Variants in CBX2 observed in about 807,000 individuals in gnomAD.
CBX2 encodes the protein chromobox 2, also known as chromobox protein homolog 2.
A neutral mutation model predicts 21.0 loss-of-function variants in CBX2; 11 were observed. That is an observed-to-expected ratio of 0.52 (90% CI 0.33 to 0.87). CBX2 has a LOEUF of 0.87. Ranked by LOEUF, CBX2 falls within the 40% of genes least tolerant of loss-of-function variation. The pLI is 0.02. For missense variants in CBX2, 746 were observed against 724.3 expected (o/e 1.03, Z -0.34); for synonymous variants, 364 against 304.6 (o/e 1.19, Z -2.03).
At chr17:79,781,655 G>T in intron 3 of CBX2, 41 bp from the exon 4 acceptor site, 1 of 1,531,666 alleles carries the variant, frequency 6.5e-7, no homozygotes, top group Non-Finnish European at 9.0e-7. Flanking sequence ...GAAGGGGTAC[G>T]CACAGGGCTT....
At chr17:79,779,598 C>A in intron 3 of CBX2, 171 bp downstream of exon 3, 1 of 647,676 alleles carries the variant, frequency 1.5e-6, no homozygotes, top group Admixed American at 2.3e-5. Context: ...AAGTCCCCAG[C>A]CAGCCCCTCT....
rs553290435 is a variant in CBX2 at position 79,778,689 on chromosome 17, C to A, written c.116+262C>A. Among the ~76,000 whole-genome samples, 6 of 152,154 alleles carry A rather than the reference C, an allele frequency of 3.9e-5. No homozygotes were observed. The highest frequency in any genetic ancestry group is 9.7e-5 in the African/African-American group (4 of 41,448). ...CCTCGGCTGCCGCGCCGCGCTCCCC[C>A]CAACCCCCGTCCCGGCCGGGAGGGA... On this transcript the variant is annotated intron_variant, in intron 2 of 4. Transcript: ENST00000310942. This position sits in a 1 kb window ranked among gnomAD's most constrained non-coding sequence, Gnocchi z 4.8.
rs1555830451 is a variant in CBX2, at chr17:79,782,039, T to C, written c.288+238T>C. ...CCCAGGGGCTTCCTGCTTCAGCCTG[T>C]CCTGCACGCCTCTCTGCTGGGTGGC... On this transcript the variant is annotated intron_variant, in intron 4 of 4. Coordinates refer to ENST00000310942, the MANE Select transcript of CBX2 (RefSeq NM_005189.3). 4.3e-6 allele frequency: 7 copies of C among 1,613,986 alleles called. No homozygotes were observed. In the South Asian group the frequency reaches 6.6e-5, roughly 15 times the overall value.
chr17:79,781,843 C>A, intron 4 of CBX2, 42 bp downstream of exon 4: 5 of 1,614,086 alleles, frequency 3.1e-6, no homozygotes, highest in African/African-American at 1.3e-5. Flanking sequence ...CCTCCCAGCA[C>A]CCCCTTGGCG....
At position 79,781,696 on chromosome 17, in the gene CBX2, G is replaced by A. The variant is rs1555830259; in HGVS notation, c.183G>A (p.Lys61=). 7.4e-6 allele frequency: 12 copies of A among 1,613,150 alleles called. No individual in the cohort carries two copies. Among genetic ancestry groups the A allele is most frequent in the Admixed American group, 1.7e-5 (1 of 60,014 alleles). The change falls in exon 4 of 5, where the codon AAG becomes AAA. Residue 61 remains lysine, a splice_region_variant and synonymous_variant. Transcript: ENST00000310942. ...DPRLLLAFQK[K]EHEKEVQNRK... ...CCATTAACTAGTGGTGTGCCTTCAGGGAACATGAGAAGGAGGTGCAGAACC... is the reference window on the plus strand; with the variant it reads ...CCATTAACTAGTGGTGTGCCTTCAGAGAACATGAGAAGGAGGTGCAGAACC...
intron 4 of CBX2, chr17:79,782,191 A>G (rs1285494846): frequency 1.2e-6 from 2 of 1,611,704 alleles, no homozygotes; most frequent in Non-Finnish European, 1.7e-6. Context: ...CAAAAGCCTA[A>G]GATTTGGGGG....
rs1906988383 is a variant in CBX2, at chr17:79,779,345, T to C, written c.117-17T>C. On this transcript the variant is annotated splice_polypyrimidine_tract_variant and intron_variant, in intron 2 of 4. Coordinates refer to ENST00000310942, the MANE Select transcript of CBX2 (RefSeq NM_005189.3). ...ATCAGCCTGGCGTCTAATGCTGCCC[T>C]GTCCTCTGCTTTGCAGACATAACAG... 1.2e-6 allele frequency: 2 copies of C among 1,612,998 alleles called. No homozygotes were observed. Among genetic ancestry groups the C allele is most frequent in the Non-Finnish European group, 8.5e-7 (1 of 1,179,706 alleles).
At chr17:79,782,538 T>C in intron 4 of CBX2, 1 of 1,086,938 alleles carries the variant, frequency 9.2e-7, no homozygotes, top group South Asian at 2.8e-5. Context: ...CCCTGGACCT[T>C]CGCGTGTTGT....
At chr17:79,782,800 G>A (rs1425509607) in intron 4 of CBX2, among the ~76,000 whole-genome samples, 4 of 152,200 alleles carry the variant, frequency 2.6e-5, no homozygotes, top group South Asian at 2.1e-4. Flanking sequence ...GAACGGGGTG[G>A]TAGGGAGGCG....
At position 79,784,142 on chromosome 17, in the gene CBX2, C is replaced by A. The variant is rs782281255; in HGVS notation, c.699C>A (p.Asn233Lys). The part of the protein sequence containing the change: ...GGPSAMATPE[N>K]LASLMKGMAS... ...CCAGTGCCATGGCCACCCCAGAGAA[C>A]CTGGCCAGCCTAATGAAGGGCATGG... The change falls in exon 5 of 5, where the codon AAC (asparagine) becomes AAA (lysine). Residue 233 changes from asparagine to lysine, a missense_variant. Coordinates refer to ENST00000310942, the MANE Select transcript of CBX2 (RefSeq NM_005189.3). The surrounding 1 kb of genome is among the most constrained non-coding windows in gnomAD (Gnocchi z 5.9). 4.3e-6 allele frequency: 7 copies of A among 1,612,282 alleles called. No homozygotes were observed. Among genetic ancestry groups the A allele is most frequent in the African/African-American group, 1.3e-5 (1 of 74,948 alleles).
Position 79,784,504 on chromosome 17 carries a change from A to C in CBX2, c.1061A>C (p.Gln354Pro). The change falls in exon 5 of 5, where the codon CAG becomes CCG. Residue 354 changes from glutamine (Q) to proline (P), a missense_variant. Physicochemically the swap from Gln to Pro is moderately conservative, Grantham distance 76. Coordinates refer to ENST00000310942, the MANE Select transcript of CBX2 (RefSeq NM_005189.3). The surrounding 1 kb of genome is among the most constrained non-coding windows in gnomAD (Gnocchi z 5.9). ...QPAPTQELSL[Q>P]VLDLQSVKNG... ...GCACCCACCCAGGAGCTGAGCCTCC[A>C]GGTCTTGGACTTGCAGAGTGTCAAG... is the stretch of plus-strand genomic sequence containing the variant. 6.2e-7 allele frequency: 1 copy of C among 1,612,756 alleles called. No homozygotes were observed. Among genetic ancestry groups the C allele is most frequent in the Non-Finnish European group, 8.5e-7 (1 of 1,179,918 alleles).
rs1555829637 is a variant in CBX2, at chr17:79,778,889, G to A, written c.116+462G>A. 1.3e-5 allele frequency among the ~76,000 whole-genome samples: 2 copies of A among 152,010 alleles called. No homozygotes were observed. Among genetic ancestry groups the A allele is most frequent in the African/African-American group, 4.8e-5 (2 of 41,376 alleles). ...GCTGCTCCCGCGGCCCCGTTTCTGC[G>A]TCTTCCCGGACCCCGCTCTTTCTTC... On this transcript the variant is annotated intron_variant, in intron 2 of 4. Coordinates refer to ENST00000310942, the MANE Select transcript of CBX2 (RefSeq NM_005189.3). This position sits in a 1 kb window ranked among gnomAD's most constrained non-coding sequence, Gnocchi z 4.8.
chr17:79,783,831 G>A lies in CBX2; in HGVS notation c.388G>A (p.Ala130Thr). 1 of 1,609,584 alleles carries A rather than the reference G, an allele frequency of 6.2e-7. No individual in the cohort carries two copies. The highest frequency in any genetic ancestry group is 1.7e-4 in the Middle Eastern group (1 of 6,058). The change falls in exon 5 of 5, where the codon GCT (alanine) becomes ACT (threonine). Residue 130 changes from alanine (A) to threonine (T), a missense_variant. Physicochemically the swap from Ala to Thr is moderately conservative, Grantham distance 58. This residue lies in a region of CBX2 where 701 missense variants were observed against 650.7 expected (regional missense o/e 1.08). Coordinates refer to ENST00000310942, the MANE Select transcript of CBX2 (RefSeq NM_005189.3). ...SDEEDDSDLD[A>T]KRGPRGRETH... ...TGAAGAGGATGACAGTGACTTAGAT[G>A]CTAAGAGGGGTCCCCGGGGCCGCGA... is the stretch of plus-strand genomic sequence containing the variant.
rs1906994138 is a variant in CBX2 at position 79,779,422 on chromosome 17, G to A, written c.177G>A (p.Gln59=). Residue 59 remains glutamine (Q), a synonymous_variant, in exon 3 of 5, where the codon CAG becomes CAA. Coordinates refer to ENST00000310942, the MANE Select transcript of CBX2 (RefSeq NM_005189.3). ...ILDPRLLLAF[Q]KKEHEKEVQN... ...ACCCGAGGCTGCTCCTGGCCTTCCA[G>A]AAGAAGTGAGGACGCTGACAGCACT... 2 of 1,612,258 alleles carry A rather than the reference G, an allele frequency of 1.2e-6. No homozygotes were observed. The highest frequency in any genetic ancestry group is 2.7e-5 in the African/African-American group (2 of 74,284).
In CBX2 at chr17:79,784,519, A is replaced by G. The variant is rs782370991; in HGVS notation, c.1076A>G (p.Gln359Arg). The G allele has an allele frequency of 6.2e-7, 1 of 1,612,630 alleles. No individual in the cohort carries two copies. The highest frequency in any genetic ancestry group is 1.7e-5 in the Admixed American group (1 of 60,028). Residue 359 changes from glutamine (Q) to arginine (R), a missense_variant, in exon 5 of 5, where the codon CAG becomes CGG. Transcript: ENST00000310942. The surrounding 1 kb of genome is among the most constrained non-coding windows in gnomAD (Gnocchi z 5.9). ...CTGAGCCTCCAGGTCTTGGACTTGC[A>G]GAGTGTCAAGAATGGCATGCCCGGG... is the stretch of plus-strand genomic sequence containing the variant. ...QELSLQVLDLQSVKNGMPGVG... is the reference protein window; with the variant it reads ...QELSLQVLDLRSVKNGMPGVG...
In CBX2 at chr17:79,784,469, C is replaced by T. The variant is rs782120588; in HGVS notation, c.1026C>T (p.Gly342=). The change falls in exon 5 of 5, where the codon GGC becomes GGT. Residue 342 remains glycine (G), a synonymous_variant. Transcript: ENST00000310942. The surrounding 1 kb of genome is among the most constrained non-coding windows in gnomAD (Gnocchi z 5.9). ...GCAGGGTGCCTGCTGGGTGCCCAGG[C>T]CCCCAGCCAGCACCCACCCAGGAGC... The part of the protein sequence containing the change: ...GASRVPAGCP[G]PQPAPTQELS... 35 of 1,612,208 alleles carry T rather than the reference C, an allele frequency of 2.2e-5. 1 individual carries two copies. The South Asian group carries it at 3.2e-4, about 15-fold the overall frequency.
At position 79,787,153 on chromosome 17, in the gene CBX2, TC is replaced by T. The variant is rs1907693395; in HGVS notation, c.*2114del. The stretch of plus-strand genomic sequence containing the variant: ...GCACGCTGAGCCTCAGGCACCAGCC[TC>T]CCTGTGCTCGACAGCAAAGTCTTGA... On this transcript the variant is annotated 3_prime_UTR_variant, in exon 5 of 5. Transcript: ENST00000310942. 1 of 152,346 alleles carries T rather than the reference TC, an allele frequency of 6.6e-6. No individual in the cohort carries two copies. Among genetic ancestry groups the T allele is most frequent in the African/African-American group, 2.4e-5 (1 of 41,470 alleles). 9.4% of individuals were successfully genotyped at this position (152,346 alleles called of 1,614,324 possible).
At chr17:79,779,676 T>G (rs377624331) in intron 3 of CBX2, 1 of 549,788 alleles carries the variant, frequency 1.8e-6, no homozygotes, top group African/African-American at 1.9e-5. Flanking sequence ...CTTTGGTGTT[T>G]CCGACAGCCA....
At chr17:79,782,152 G>A (rs782028280) in intron 4 of CBX2, 10 of 1,612,782 alleles carry the variant, frequency 6.2e-6, no homozygotes, top group Non-Finnish European at 8.5e-6. Flanking sequence ...TACAGTAGGT[G>A]CTCATAGGAT....
Sources: allele counts gnomAD v4.1 joint callset (sites outside exome capture counted in the v4.1 genomes callset), GRCh38; gene constraint gnomAD v4.1.1; regional missense constraint gnomAD v4.1.1; non-coding constraint Gnocchi (gnomAD v3.1); transcripts MANE v1.5; gene names NCBI Gene and HGNC (gene_info 2026-07-23, HGNC 2026-07-21).